Variants in DNAH11 observed in about 807,000 individuals in gnomAD.
The protein encoded by DNAH11 is axonemal beta dynein heavy chain 11.
DNAH11 carries 442 observed loss-of-function variants against 526.0 expected under a neutral mutation model. That is an observed-to-expected ratio of 0.84 (90% CI 0.78 to 0.91). The LOEUF (loss-of-function observed/expected upper bound fraction) is 0.91. Among genes scored for constraint, DNAH11 ranks in the 40% least tolerant of loss-of-function variants. The pLI is 0.00. For missense variants in DNAH11, 6,989 were observed against 5,448.7 expected (o/e 1.28, Z -8.90); for synonymous variants, 2,461 against 1,935.9 (o/e 1.27, Z -7.12).
chr7:21,891,856 C>T (rs1282226159), intron 76 of DNAH11, among the ~76,000 whole-genome samples: 3 of 152,076 alleles, frequency 2.0e-5, no homozygotes, highest in Non-Finnish European at 4.4e-5. Flanking sequence ...CTTATATACA[C>T]ACACATTTTT....
At chr7:21,663,601 G>C (rs1008186958) in intron 30 of DNAH11, among the ~76,000 whole-genome samples, 1 of 151,804 alleles carries the variant, frequency 6.6e-6, no homozygotes, top group African/African-American at 2.4e-5. Context: ...GATGTCCTTT[G>C]GTTTTTGTAT....
intron 54 of DNAH11, among the ~76,000 whole-genome samples, chr7:21,754,804 G>A (rs566411774): frequency 2.6e-5 from 4 of 152,234 alleles, no homozygotes; most frequent in African/African-American, 4.8e-5. Context: ...TTACCTTGAG[G>A]GAGAAATATT....
At position 21,818,307 on chromosome 7, in the gene DNAH11, A is replaced by G. The variant is rs986491571; in HGVS notation, c.10659A>G (p.Pro3553=). 1 of 1,608,920 alleles carries G rather than the reference A, an allele frequency of 6.2e-7. No individual in the cohort carries two copies. The highest frequency in any genetic ancestry group is 8.5e-7 in the Non-Finnish European group (1 of 1,178,372). The stretch of plus-strand genomic sequence containing the variant: ...AAACGATAGATCCAGTCCTGGATCC[A>G]CTACTTGGCAGGAACACAATTAAAA... The part of the protein sequence containing the change: ...LEETIDPVLD[P]LLGRNTIKKG... The change falls in exon 65 of 82, where the codon CCA becomes CCG. Residue 3553 remains proline (P), a synonymous_variant. Transcript: ENST00000409508.
chr7:21,720,159 G>A (rs1473642987), intron 43 of DNAH11, among the ~76,000 whole-genome samples: 1 of 152,194 alleles, frequency 6.6e-6, no homozygotes, highest in East Asian at 1.9e-4. Flanking sequence ...GGCTTAAGCT[G>A]CCAGTCCAAC....
intron 45 of DNAH11, among the ~76,000 whole-genome samples, chr7:21,733,034 C>T (rs1785446435): frequency 1.3e-5 from 2 of 151,798 alleles, no homozygotes; most frequent in African/African-American, 4.8e-5. Context: ...CCGTGGAGCA[C>T]GTGGCTATGT....
chr7:21,860,979 C>A (rs1036326030), intron 68 of DNAH11, among the ~76,000 whole-genome samples: 2 of 152,112 alleles, frequency 1.3e-5, no homozygotes, highest in African/African-American at 4.8e-5. Context: ...GAAACTGCCC[C>A]CATGATTCAG....
At chr7:21,692,711 T>G (rs988483103) in intron 35 of DNAH11, among the ~76,000 whole-genome samples, 6 of 152,256 alleles carry the variant, frequency 3.9e-5, no homozygotes, top group Admixed American at 3.9e-4. Context: ...CTAGTCTACA[T>G]GGCAATTGTG....
intron 30 of DNAH11, among the ~76,000 whole-genome samples, chr7:21,659,243 T>C (rs1024262436): frequency 8.0e-5 from 12 of 149,696 alleles, no homozygotes; most frequent in Admixed American, 6.8e-4. Context: ...ATCGTGTCTA[T>C]TGTCTTCTAA....
chr7:21,762,338 T>C (rs544536402), intron 54 of DNAH11, among the ~76,000 whole-genome samples: 1 of 152,344 alleles, frequency 6.6e-6, no homozygotes, highest in South Asian at 2.1e-4. Flanking sequence ...ACTATGCCAG[T>C]TACAAGTGTG....
In DNAH11 at chr7:21,642,132, G is replaced by A. The variant is rs150914665; in HGVS notation, c.4944+3067G>A. On this transcript the variant is annotated intron_variant, in intron 28 of 81. Coordinates refer to ENST00000409508, the MANE Select transcript of DNAH11 (RefSeq NM_001277115.2). ...TTTTTGATATATTTTGAAATTTTGG[G>A]AAAATTTGTATTCCAAGTTGTGCTC... Among the ~76,000 whole-genome samples, 129 of 152,284 alleles carry A rather than the reference G, an allele frequency of 8.5e-4. 1 individual carries two copies. The highest frequency in any genetic ancestry group is 3.1e-3 in the African/African-American group (128 of 41,562).
intron 61 of DNAH11, among the ~76,000 whole-genome samples, chr7:21,792,382 C>G (rs1399330273): frequency 6.6e-6 from 1 of 152,018 alleles, no homozygotes; most frequent in Non-Finnish European, 1.5e-5. Context: ...TTGCTGTGTT[C>G]TTGTCTAGTT....
chr7:21,580,472 C>T (rs761071782), intron 8 of DNAH11, among the ~76,000 whole-genome samples: 3 of 152,176 alleles, frequency 2.0e-5, no homozygotes, highest in African/African-American at 7.2e-5. Flanking sequence ...GTGTGAAATT[C>T]AGCATAAGGT....
chr7:21,723,631 T>G (rs2158870), intron 44 of DNAH11, among the ~76,000 whole-genome samples: 45,605 of 152,006 alleles, frequency 0.3, 7,021 homozygotes, highest in African/African-American at 0.34. Context: ...TGGCTCCTTG[T>G]TGCCTTTAAG....
At chr7:21,764,030 T>A (rs1787054959) in intron 54 of DNAH11, among the ~76,000 whole-genome samples, 1 of 151,952 alleles carries the variant, frequency 6.6e-6, no homozygotes, top group South Asian at 2.1e-4. Flanking sequence ...TACCAGGAGC[T>A]GGAGGGAGGG....
intron 76 of DNAH11, among the ~76,000 whole-genome samples, chr7:21,891,071 G>A (rs1340458524): frequency 8.7e-6 from 1 of 114,820 alleles, no homozygotes. Flanking sequence ...TTACACACAT[G>A]ATTGTGTGGA....
rs1583804164 is a variant in DNAH11, at chr7:21,878,432, T to C, written c.12196-2270T>C. Among the ~76,000 whole-genome samples, 10 of 152,342 alleles carry C rather than the reference T, an allele frequency of 6.6e-5. No homozygotes were observed. The South Asian group carries it at 2.1e-3, about 32-fold the overall frequency. ...TAGATCATAATTCCAAAGTGAAATT[T>C]TGATACATATATTGGATCTCCTAGA... On this transcript the variant is annotated intron_variant, in intron 74 of 81. Transcript: ENST00000409508.
At chr7:21,761,553 A>G (rs1786913107) in intron 54 of DNAH11, among the ~76,000 whole-genome samples, 1 of 152,212 alleles carries the variant, frequency 6.6e-6, no homozygotes, top group Admixed American at 6.5e-5. Flanking sequence ...TGGGTGTCAG[A>G]ATCACCTTAG....
chr7:21,601,761 C>A, intron 18 of DNAH11, 143 bp downstream of exon 18: 1 of 573,972 alleles, frequency 1.7e-6, no homozygotes. Context: ...GGTTAGGAAT[C>A]TGATACTTAA....
At chr7:21,616,414 T>G (rs1440005761) in intron 22 of DNAH11, 122 bp downstream of exon 22, 2 of 706,972 alleles carry the variant, frequency 2.8e-6, no homozygotes. Flanking sequence ...AACAGAGTGA[T>G]AGCAGACAGT....
Sources: allele counts gnomAD v4.1 joint callset (sites outside exome capture counted in the v4.1 genomes callset), GRCh38; gene constraint gnomAD v4.1.1; transcripts MANE v1.5; gene names NCBI Gene and HGNC (gene_info 2026-07-23, HGNC 2026-07-21).